ILDR2: variants seen among roughly 807,000 people sequenced by gnomAD.
ILDR2 encodes immunoglobulin-like domain-containing receptor 2.
In ILDR2, 25 loss-of-function variants were observed where a neutral mutation model predicts 66.8. That is an observed-to-expected ratio of 0.37 (90% confidence interval 0.27 to 0.52). The LOEUF (loss-of-function observed/expected upper bound fraction) is 0.52. Among genes scored for constraint, ILDR2 ranks in the 20% least tolerant of loss-of-function variants. The probability of loss-of-function intolerance (pLI) is 0.88; values close to 1 mark genes in which losing one functional copy is unlikely to be tolerated. For missense variants in ILDR2, 827 were observed against 876.8 expected (o/e 0.94, Z 0.72); for synonymous variants, 367 against 357.2 (o/e 1.03, Z -0.31).
chr1:166,936,443 G>A lies in ILDR2; in HGVS notation c.703+148C>T. On this transcript the variant is annotated intron_variant, in intron 5 of 9. Coordinates refer to ENST00000271417, the MANE Select transcript of ILDR2 (RefSeq NM_199351.3). This position sits in a 1 kb window ranked among gnomAD's most constrained non-coding sequence, Gnocchi z 5.0. ...TGAGAATGGTCATCCCTGAGGCCAG[G>A]GGCACCCAGCGGAGAAGAGTCTGGA... 4.9e-6 allele frequency: 6 copies of A among 1,213,538 alleles called. No homozygotes were observed. Among genetic ancestry groups the A allele is most frequent in the African/African-American group, 1.5e-5 (1 of 66,346 alleles). 75.2% of individuals were successfully genotyped at this position (1,213,538 alleles called of 1,614,324 possible). A position where few individuals can be genotyped will look rare whatever the true frequency, so the allele number is the denominator to read the frequency against.
intron 8 of ILDR2, among the ~76,000 whole-genome samples, chr1:166,922,264 A>C (rs937462434): frequency 4.6e-5 from 7 of 151,890 alleles, no homozygotes; most frequent in Admixed American, 3.9e-4. Flanking sequence ...CGAAAAAAAC[A>C]AAAAAAAGAT....
At chr1:166,925,903 C>T (rs1452077221) in intron 7 of ILDR2, among the ~76,000 whole-genome samples, 1 of 152,182 alleles carries the variant, frequency 6.6e-6, no homozygotes, top group African/African-American at 2.4e-5. Context: ...TGCACAGACT[C>T]CTCTGTGGTC....
chr1:166,966,608 G>C (rs1428101627), intron 1 of ILDR2, among the ~76,000 whole-genome samples: 2 of 152,150 alleles, frequency 1.3e-5, no homozygotes, highest in Non-Finnish European at 2.9e-5. Flanking sequence ...ATCCTTTCTT[G>C]TACTCTGCCA....
chr1:166,897,438 A>G (rs894710467), intron 2 of ILDR2, among the ~76,000 whole-genome samples: 3 of 152,222 alleles, frequency 2.0e-5, no homozygotes, highest in Admixed American at 6.5e-5. Context: ...ATTTATGCTA[A>G]TGAGGTGATT....
At chr1:166,943,950 C>G (rs1323377856) in intron 3 of ILDR2, 1 of 622,622 alleles carries the variant, frequency 1.6e-6, no homozygotes, top group Non-Finnish European at 2.0e-6. Context: ...TGTAAGCGCT[C>G]AAACAGTTTT....
chr1:166,937,730 T>A (rs1204809492), intron 4 of ILDR2, among the ~76,000 whole-genome samples: 1 of 152,184 alleles, frequency 6.6e-6, no homozygotes, highest in South Asian at 2.1e-4. Context: ...AGGACCCAAC[T>A]TCCCCTGGAG....
intron 4 of ILDR2, 150 bp downstream of exon 4, chr1:166,939,364 C>T: frequency 3.1e-6 from 2 of 649,934 alleles, no homozygotes; most frequent in South Asian, 3.7e-5. Flanking sequence ...TTTAAAAGCC[C>T]TTCCAATGGG....
At position 166,970,820 on chromosome 1, in the gene ILDR2, G is replaced by C. The variant is rs948795654; in HGVS notation, c.46+4403C>G. ...AGCATCCAGGCTGGGGGACAATGCCGAGCTGGGAGAGCTGTGCTAAAGTGA... is the reference window on the plus strand; with the variant it reads ...AGCATCCAGGCTGGGGGACAATGCCCAGCTGGGAGAGCTGTGCTAAAGTGA... On this transcript the variant is annotated intron_variant, in intron 1 of 9. Transcript: ENST00000271417. 2.0e-5 allele frequency among the ~76,000 whole-genome samples: 3 copies of C among 152,136 alleles called. No homozygotes were observed. The East Asian group carries it at 5.8e-4, about 29-fold the overall frequency.
At chr1:166,963,232 C>A (rs1466445610) in intron 1 of ILDR2, among the ~76,000 whole-genome samples, 1 of 152,174 alleles carries the variant, frequency 6.6e-6, no homozygotes, top group African/African-American at 2.4e-5. Flanking sequence ...AATCAAGTTT[C>A]TATTTCTGCT....
chr1:166,957,322 G>C (rs1281403635), intron 2 of ILDR2, among the ~76,000 whole-genome samples: 1 of 152,186 alleles, frequency 6.6e-6, no homozygotes, highest in Admixed American at 6.5e-5. Context: ...AGCCACCTGG[G>C]GCTTGGGCCA....
chr1:166,916,787 CT>C lies in ILDR2; in HGVS notation c.*2567del, dbSNP rs1485923442. 6.6e-6 allele frequency: 1 copy of C among 152,236 alleles called. No homozygotes were observed. The highest frequency in any genetic ancestry group is 2.4e-5 in the African/African-American group (1 of 41,460). 9.4% of individuals were successfully genotyped at this position (152,236 alleles called of 1,614,324 possible). A position where few individuals can be genotyped will look rare whatever the true frequency, so the allele number is the denominator to read the frequency against. ...ATCTTCTTTGTACTTTTCAGTCTATCTGTAGTTTTGTTGTCTTTGGAATTGC... is the reference window on the plus strand; with the variant it reads ...ATCTTCTTTGTACTTTTCAGTCTATCGTAGTTTTGTTGTCTTTGGAATTGC... On this transcript the variant is annotated 3_prime_UTR_variant, in exon 10 of 10. Coordinates refer to ENST00000271417, the MANE Select transcript of ILDR2 (RefSeq NM_199351.3).
Position 166,935,428 on chromosome 1 carries a change from G to C in ILDR2, c.753C>G (p.Ser251=). The C allele has an allele frequency of 2.5e-6, 4 of 1,612,104 alleles. No homozygotes were observed. The highest frequency in any genetic ancestry group is 2.2e-5 in the East Asian group (1 of 44,844). Residue 251 remains serine, a synonymous_variant, in exon 6 of 10, where the codon TCC becomes TCG. Coordinates refer to ENST00000271417, the MANE Select transcript of ILDR2 (RefSeq NM_199351.3). ...AAKAGYPPSV[S]GVPGPYSIPS... ...GGATGGAGTAAGGGCCGGGGACACC[G>C]GAGACAGAGGGAGGGTACCCGGCCT...
At chr1:166,930,859 A>T (rs1660604173) in intron 6 of ILDR2, among the ~76,000 whole-genome samples, 1 of 152,130 alleles carries the variant, frequency 6.6e-6, no homozygotes, top group African/African-American at 2.4e-5. Flanking sequence ...ATTGATTTTT[A>T]TCTGTAATTT....
chr1:166,970,118 T>G (rs1012852165), intron 1 of ILDR2, among the ~76,000 whole-genome samples: 2 of 152,178 alleles, frequency 1.3e-5, no homozygotes, highest in East Asian at 3.9e-4. Flanking sequence ...AGAAGGGACA[T>G]TCTAGGACCA....
intron 7 of ILDR2, among the ~76,000 whole-genome samples, chr1:166,924,678 G>C (rs1302811662): frequency 6.6e-6 from 1 of 152,106 alleles, no homozygotes; most frequent in Non-Finnish European, 1.5e-5. Context: ...TGCAACATAA[G>C]TGAATTGGCA....
intron 2 of ILDR2, among the ~76,000 whole-genome samples, chr1:166,900,802 G>C (rs1049142525): frequency 1.3e-5 from 2 of 152,222 alleles, no homozygotes; most frequent in Non-Finnish European, 2.9e-5. Flanking sequence ...AAAAATAGAT[G>C]AAAGTGTAGA....
Position 166,936,549 on chromosome 1 carries a change from T to C in ILDR2, c.703+42A>G. On this transcript the variant is annotated intron_variant, in intron 5 of 9. Transcript: ENST00000271417. The surrounding 1 kb of genome is among the most constrained non-coding windows in gnomAD (Gnocchi z 5.0). Reference sequence around the variant, plus strand: ...AGCTGTCAGGTAGAGAGGTAGACATTTCTCTCGATCGCTCTGTCTCCCCAG... The same window carrying C: ...AGCTGTCAGGTAGAGAGGTAGACATCTCTCTCGATCGCTCTGTCTCCCCAG... 1 of 1,613,182 alleles carries C rather than the reference T, an allele frequency of 6.2e-7. No homozygotes were observed. Among genetic ancestry groups the C allele is most frequent in the Non-Finnish European group, 8.5e-7 (1 of 1,179,562 alleles).
chr1:166,947,069 A>G (rs995028668), intron 3 of ILDR2, among the ~76,000 whole-genome samples: 2 of 152,216 alleles, frequency 1.3e-5, no homozygotes, highest in Admixed American at 6.5e-5. Context: ...ACAAAGTGCT[A>G]TAGTGATTCA....
chr1:166,934,366 C>T (rs963738094), intron 6 of ILDR2, among the ~76,000 whole-genome samples: 31 of 152,136 alleles, frequency 2.0e-4, no homozygotes, highest in African/African-American at 6.5e-4. Context: ...TCCTTCATTC[C>T]GCAATATCTC....
Sources: gnomAD v4.1 joint callset for allele counts (sites outside exome capture counted in the v4.1 genomes callset) on GRCh38, gnomAD v4.1.1 for gene constraint, Gnocchi (gnomAD v3.1) non-coding constraint, MANE v1.5 for transcripts, NCBI Gene and HGNC (gene_info 2026-07-23, HGNC 2026-07-21) for gene names.